Variants in SLC2A13 observed in about 807,000 individuals in gnomAD.
SLC2A13 encodes the protein proton myo-inositol cotransporter.
In SLC2A13, 32 loss-of-function variants were observed where a neutral mutation model predicts 64.4. The ratio of observed to expected loss-of-function variants is 0.50; its 90% confidence interval spans 0.37 to 0.67. The LOEUF is 0.67. Ranked by LOEUF, SLC2A13 falls within the 30% of genes least tolerant of loss-of-function variation. The probability of loss-of-function intolerance (pLI) is 0.00; values close to 1 mark genes in which losing one functional copy is unlikely to be tolerated. For synonymous variants in SLC2A13, 338 were observed against 327.1 expected, an observed-to-expected ratio of 1.03 and a Z score of -0.36; for missense variants, 743 against 829.2, an observed-to-expected ratio of 0.90 and a Z score of 1.28.
intron 3 of SLC2A13, among the ~76,000 whole-genome samples, chr12:39,977,412 GATT>G (rs560788200): frequency 6.6e-6 from 1 of 152,178 alleles, no homozygotes; most frequent in Non-Finnish European, 1.5e-5. Flanking sequence ...TTGTTGCAGA[GATT>G]ATTTTGTCTC....
intron 5 of SLC2A13, 30 bp downstream of exon 5, chr12:39,871,759 AATAAAGTTT>A: frequency 6.4e-7 from 1 of 1,552,532 alleles, no homozygotes. Flanking sequence ...GTTATTAGGA[AATAAAGTTT>A]ATAATTGAAT....
At chr12:40,021,307 T>C (rs759342663) in intron 3 of SLC2A13, among the ~76,000 whole-genome samples, 4 of 152,182 alleles carry the variant, frequency 2.6e-5, no homozygotes, top group Non-Finnish European at 5.9e-5. Context: ...TGATTCCAAT[T>C]CTGCATAAGA....
At chr12:39,897,890 A>G (rs1944969343) in intron 4 of SLC2A13, among the ~76,000 whole-genome samples, 1 of 152,018 alleles carries the variant, frequency 6.6e-6, no homozygotes, top group African/African-American at 2.4e-5. Flanking sequence ...AATACAATAT[A>G]TAAGACATTT....
intron 4 of SLC2A13, among the ~76,000 whole-genome samples, chr12:39,896,507 TAC>T (rs1227208941): frequency 1.9e-4 from 28 of 146,240 alleles, no homozygotes; most frequent in African/African-American, 5.3e-4. Flanking sequence ...TATATGTATG[TAC>T]ATGTGTGTAT....
In SLC2A13 at chr12:40,066,872, G is replaced by A. The variant is rs28365688; in HGVS notation, c.557-18662C>T. Among the ~76,000 whole-genome samples the A allele has an allele frequency of 7.9e-4, 120 of 152,180 alleles. No individual in the cohort carries two copies. In the East Asian group the frequency reaches 0.021, roughly 27 times the overall value. Reference sequence around the variant, plus strand: ...CTATCAAAAGCTAAATCTCAAAGTTGACAAAAAGCTTTTTTTCTCAAATTA... The same window carrying A: ...CTATCAAAAGCTAAATCTCAAAGTTAACAAAAAGCTTTTTTTCTCAAATTA... On this transcript the variant is annotated intron_variant, in intron 1 of 9. Transcript: ENST00000280871.
intron 3 of SLC2A13, among the ~76,000 whole-genome samples, chr12:39,972,013 TA>T (rs1453951466): frequency 1.5e-3 from 25 of 16,248 alleles, no homozygotes; most frequent in African/African-American, 3.7e-3. Context: ...TATATATATA[TA>T]TTTTTTTTTA....
At chr12:39,945,593 A>G (rs1946119148) in intron 4 of SLC2A13, among the ~76,000 whole-genome samples, 1 of 151,904 alleles carries the variant, frequency 6.6e-6, no homozygotes, top group South Asian at 2.1e-4. Context: ...TAATTCAAAG[A>G]CCATGTCATT....
At position 39,928,396 on chromosome 12, in the gene SLC2A13, C is replaced by T. The variant is rs188222870; in HGVS notation, c.1034+22861G>A. Among the ~76,000 whole-genome samples the T allele has an allele frequency of 5.9e-5, 9 of 152,210 alleles. No homozygotes were observed. The East Asian group carries it at 1.7e-3, about 29-fold the overall frequency. ...CAACCCTCCAATCAGGCTCTGATTG[C>T]ACTTTTTGTGTGAGTGGTGGAATCA... On this transcript the variant is annotated intron_variant, in intron 4 of 9. Coordinates refer to ENST00000280871, the MANE Select transcript of SLC2A13 (RefSeq NM_052885.4).
intron 2 of SLC2A13, among the ~76,000 whole-genome samples, chr12:40,030,234 C>T (rs1947883159): frequency 6.6e-6 from 1 of 152,190 alleles, no homozygotes; most frequent in African/African-American, 2.4e-5. Flanking sequence ...CTAGATATAA[C>T]TGGACCGTCT....
chr12:39,846,760 T>A (rs189400529), intron 6 of SLC2A13, among the ~76,000 whole-genome samples: 1 of 152,298 alleles, frequency 6.6e-6, no homozygotes, highest in Non-Finnish European at 1.5e-5. Flanking sequence ...CCTCACTTAA[T>A]TTGTTTAAGC....
At chr12:40,037,068 C>T (rs942705398) in intron 2 of SLC2A13, among the ~76,000 whole-genome samples, 1 of 152,184 alleles carries the variant, frequency 6.6e-6, no homozygotes, top group Non-Finnish European at 1.5e-5. Context: ...ATATGCTAAA[C>T]CAACCAACCT....
chr12:40,017,841 T>C (rs1947643875), intron 3 of SLC2A13, among the ~76,000 whole-genome samples: 1 of 151,978 alleles, frequency 6.6e-6, no homozygotes, highest in East Asian at 1.9e-4. Context: ...CTGCAATACT[T>C]CTTTAGAGGT....
At chr12:39,854,101 CA>C (rs565320614) in intron 6 of SLC2A13, among the ~76,000 whole-genome samples, 54 of 136,994 alleles carry the variant, frequency 3.9e-4, no homozygotes, top group South Asian at 4.6e-4. Flanking sequence ...TTGACATAAG[CA>C]AAAAAAAAAA....
intron 6 of SLC2A13, among the ~76,000 whole-genome samples, chr12:39,839,180 G>A (rs1193677027): frequency 6.6e-6 from 1 of 152,008 alleles, no homozygotes; most frequent in African/African-American, 2.4e-5. Flanking sequence ...TGGTTTACCA[G>A]AGAACACCGC....
At position 39,988,012 on chromosome 12, in the gene SLC2A13, A is replaced by G. The variant is rs1423529450; in HGVS notation, c.926-36647T>C. On this transcript the variant is annotated intron_variant, in intron 3 of 9. Coordinates refer to ENST00000280871, the MANE Select transcript of SLC2A13 (RefSeq NM_052885.4). The stretch of plus-strand genomic sequence containing the variant: ...ACTATTAATTCTTTGCCTTGGTCTG[A>G]ACTTAGTAAATCCCCTATTGATAAA... Among the ~76,000 whole-genome samples, 10 of 152,154 alleles carry G rather than the reference A, an allele frequency of 6.6e-5. No homozygotes were observed. In the East Asian group the frequency reaches 1.9e-3, roughly 29 times the overall value.
At chr12:39,894,801 C>T (rs942066115) in intron 4 of SLC2A13, among the ~76,000 whole-genome samples, 2 of 150,932 alleles carry the variant, frequency 1.3e-5, no homozygotes, top group Non-Finnish European at 3.0e-5. Context: ...GGGAATAAAG[C>T]AGGGAGATGC....
intron 4 of SLC2A13, among the ~76,000 whole-genome samples, chr12:39,913,310 C>T (rs1354961926): frequency 1.3e-5 from 2 of 151,712 alleles, no homozygotes; most frequent in Non-Finnish European, 2.9e-5. Flanking sequence ...GAACAATAGA[C>T]CTTGTAACTT....
At chr12:39,981,418 T>C (rs11503697) in intron 3 of SLC2A13, among the ~76,000 whole-genome samples, 2,368 of 151,734 alleles carry the variant, frequency 0.016, 55 homozygotes, top group African/African-American at 0.053. Context: ...ACAAAATTGA[T>C]AGACCGCTAG....
At chr12:40,013,561 G>A (rs1236796625) in intron 3 of SLC2A13, among the ~76,000 whole-genome samples, 1 of 152,170 alleles carries the variant, frequency 6.6e-6, no homozygotes, top group Non-Finnish European at 1.5e-5. Context: ...ACGGCACATA[G>A]CCTTGGACAA....
Sources: allele counts gnomAD v4.1 joint callset (sites outside exome capture counted in the v4.1 genomes callset), GRCh38; gene constraint gnomAD v4.1.1; transcripts MANE v1.5; gene names NCBI Gene and HGNC (gene_info 2026-07-23, HGNC 2026-07-21).